Variants in SERBP1 observed in about 807,000 individuals in gnomAD.
The protein encoded by SERBP1 is SERPINE1 mRNA binding protein 1, also known as SERPINE1 mRNA-binding protein 1.
In SERBP1, 6 loss-of-function variants were observed where a neutral mutation model predicts 50.2. The observed-to-expected ratio is 0.12, with a 90% confidence interval of 0.07 to 0.24. The LOEUF (loss-of-function observed/expected upper bound fraction) is 0.24, where lower values mean the gene tolerates loss of function less well. Among genes scored for constraint, SERBP1 ranks in the 10% least tolerant of loss-of-function variants. The probability of loss-of-function intolerance (pLI) is 1.00; values close to 1 mark genes in which losing one functional copy is unlikely to be tolerated. For missense variants in SERBP1, 346 were observed against 524.9 expected (o/e 0.66, Z 3.33); for synonymous variants, 168 against 182.8 (o/e 0.92, Z 0.65).
At chr1:67,416,761 T>C (rs561642827) in intron 6 of SERBP1, among the ~76,000 whole-genome samples, 316 of 152,284 alleles carry the variant, frequency 2.1e-3, no homozygotes, top group Non-Finnish European at 3.5e-3. Context: ...ACCAACACAC[T>C]GTAAGGCAAT....
chr1:67,425,330 ATAGT>A, intron 2 of SERBP1, 107 bp from the exon 3 acceptor site: 1 of 1,034,092 alleles, frequency 9.7e-7, no homozygotes. Flanking sequence ...TCAAAAACCA[ATAGT>A]TAAATACATA....
At chr1:67,424,998 T>A in intron 3 of SERBP1, 21 bp from the exon 4 acceptor site, 1 of 1,608,968 alleles carries the variant, frequency 6.2e-7, no homozygotes, top group Non-Finnish European at 8.5e-7. Context: ...TGAGTTAACA[T>A]AATACTCTTT....
intron 6 of SERBP1, among the ~76,000 whole-genome samples, chr1:67,417,826 TCAGA>T (rs762062422): frequency 6.6e-5 from 10 of 151,828 alleles, no homozygotes; most frequent in South Asian, 2.1e-4. Context: ...TCTAGAGCAC[TCAGA>T]CAATGAGGAG....
In SERBP1 at chr1:67,425,230, T is replaced by A; in HGVS notation, c.465-7A>T. The A allele has an allele frequency of 6.3e-7, 1 of 1,581,426 alleles. No homozygotes were observed. Among genetic ancestry groups the A allele is most frequent in the South Asian group, 1.2e-5 (1 of 85,022 alleles). On this transcript the variant is annotated splice_region_variant and splice_polypyrimidine_tract_variant and intron_variant, in intron 2 of 7. Coordinates refer to ENST00000361219, the MANE Select transcript of SERBP1 (RefSeq NM_001018069.2). Reference sequence around the variant, plus strand: ...AGGTCGGTCAATAATCGGTCTATAATATAAACAAATAAATTATACTTCCAT... The same window carrying A: ...AGGTCGGTCAATAATCGGTCTATAAAATAAACAAATAAATTATACTTCCAT...
Position 67,426,265 on chromosome 1 carries a change from T to C in SERBP1, c.334A>G (p.Arg112Gly). Reference sequence around the variant, plus strand: ...TCACCCTGAAGTTGTTGATCAGGTCTTCTTCCAACTCGTCTTATTCCTAAA... The same window carrying C: ...TCACCCTGAAGTTGTTGATCAGGTCCTCTTCCAACTCGTCTTATTCCTAAA... ...KKEGIRRVGR[R>G]PDQQLQGEGK... Residue 112 changes from arginine to glycine, a missense_variant, in exon 2 of 8, where the codon AGA becomes GGA. Transcript: ENST00000361219. 6.3e-7 allele frequency: 1 copy of C among 1,594,950 alleles called. No individual in the cohort carries two copies. Among genetic ancestry groups the C allele is most frequent in the Non-Finnish European group, 8.5e-7 (1 of 1,172,500 alleles).
intron 2 of SERBP1, 89 bp downstream of exon 2, chr1:67,426,046 C>G: frequency 9.2e-7 from 1 of 1,081,748 alleles, no homozygotes; most frequent in Non-Finnish European, 1.3e-6. Context: ...GCCCAGGAAG[C>G]AGAGGCTGCA....
In SERBP1 at chr1:67,413,106, C is replaced by CTT. The variant is rs903537342; in HGVS notation, c.*99_*100dup. 1.7e-5 allele frequency: 18 copies of CTT among 1,086,320 alleles called. No individual in the cohort carries two copies. The highest frequency in any genetic ancestry group is 7.2e-5 in the East Asian group (2 of 27,946). The allele number at this position is 1,086,320 out of a possible 1,614,324, so 67.3% of individuals were successfully genotyped here. A position where few individuals can be genotyped will look rare whatever the true frequency, so the allele number is the denominator to read the frequency against. On this transcript the variant is annotated 3_prime_UTR_variant, in exon 8 of 8. Transcript: ENST00000361219. ...AGGTGTGAATGGTATGAATGACAGTCTTTTTTTTTTTAATTTCTTAGTCGT... is the reference window on the plus strand; with the variant it reads ...AGGTGTGAATGGTATGAATGACAGTCTTTTTTTTTTTTTAATTTCTTAGTCGT...
chr1:67,421,994 C>A (rs911431791), intron 5 of SERBP1, among the ~76,000 whole-genome samples: 2 of 152,140 alleles, frequency 1.3e-5, no homozygotes, highest in Admixed American at 1.3e-4. Context: ...GCATAGGGTT[C>A]ATTTGTTAAG....
At chr1:67,413,370 C>A in intron 7 of SERBP1, 107 bp from the exon 8 acceptor site, 2 of 1,030,024 alleles carry the variant, frequency 1.9e-6, no homozygotes, top group South Asian at 1.8e-5. Context: ...TACTGTTGGC[C>A]AGGCACAGTG....
In SERBP1 at chr1:67,426,425, T is replaced by C. The variant is rs1270442834; in HGVS notation, c.314-140A>G. On this transcript the variant is annotated intron_variant, in intron 1 of 7. Transcript: ENST00000361219. The stretch of plus-strand genomic sequence containing the variant: ...AAGCAAACACTGGGCAACTCTAATG[T>C]GTAACAAAGTACCTTAGGAAAACTG... 4.4e-6 allele frequency: 3 copies of C among 676,048 alleles called. No homozygotes were observed. The East Asian group carries it at 9.5e-5, about 21-fold the overall frequency. 41.9% of individuals were successfully genotyped at this position (676,048 alleles called of 1,614,324 possible). A position where few individuals can be genotyped will look rare whatever the true frequency, so the allele number is the denominator to read the frequency against.
Position 67,430,061 on chromosome 1 carries a change from G to A in SERBP1, c.240C>T (p.Asn80=), listed in dbSNP as rs1386748390. 5 of 1,613,754 alleles carry A rather than the reference G, an allele frequency of 3.1e-6. No homozygotes were observed. In the African/African-American group the frequency reaches 5.3e-5, roughly 17 times the overall value. ...CCACGCCAACGCTGGGGGGCAGCGG[G>A]TTCTTGCGGTCTTTCTGGGACTCCT... ...LRKESQKDRK[N]PLPPSVGVVD... is the part of the protein sequence containing the mutation. Residue 80 remains asparagine, a synonymous_variant, in exon 1 of 8, where the codon AAC becomes AAT. Coordinates refer to ENST00000361219, the MANE Select transcript of SERBP1 (RefSeq NM_001018069.2).
intron 6 of SERBP1, 38 bp from the exon 7 acceptor site, chr1:67,415,377 A>C: frequency 6.7e-7 from 1 of 1,489,218 alleles, no homozygotes; most frequent in Non-Finnish European, 9.0e-7. Flanking sequence ...TTATTAGTAG[A>C]AAAGTAACAT....
At chr1:67,426,383 C>T in intron 1 of SERBP1, 98 bp from the exon 2 acceptor site, 1 of 1,247,990 alleles carries the variant, frequency 8.0e-7, no homozygotes, top group Non-Finnish European at 1.1e-6. Context: ...AATCCACTAC[C>T]ATTTCCTGTT....
At chr1:67,420,266 G>A (rs1667158942) in intron 5 of SERBP1, 80 bp from the exon 6 acceptor site, 1 of 1,192,770 alleles carries the variant, frequency 8.4e-7, no homozygotes, top group Non-Finnish European at 1.2e-6. Context: ...GATTTTAATT[G>A]AGAAAATTAA....
At chr1:67,414,566 A>T (rs1570280290) in intron 7 of SERBP1, among the ~76,000 whole-genome samples, 1 of 152,220 alleles carries the variant, frequency 6.6e-6, no homozygotes, top group Admixed American at 6.5e-5. Context: ...ATTACTTGGG[A>T]ATTCACCAAA....
intron 1 of SERBP1, among the ~76,000 whole-genome samples, chr1:67,426,598 C>T (rs1203537751): frequency 6.6e-6 from 1 of 152,184 alleles, no homozygotes; most frequent in Non-Finnish European, 1.5e-5. Flanking sequence ...ACTTGGAAAT[C>T]ATTTGGGCAA....
chr1:67,412,999 T>G lies in SERBP1; in HGVS notation c.*208A>C. The G allele has an allele frequency of 1.6e-6, 1 of 607,704 alleles. No homozygotes were observed. The highest frequency in any genetic ancestry group is 2.6e-5 in the South Asian group (1 of 37,838). 37.6% of individuals were successfully genotyped at this position (607,704 alleles called of 1,614,324 possible). A position where few individuals can be genotyped will look rare whatever the true frequency, so the allele number is the denominator to read the frequency against. ...AACATCCCTGCTACCAATACATTTC[T>G]AAATACAAAACTGACTACCATATTT... On this transcript the variant is annotated 3_prime_UTR_variant, in exon 8 of 8. Transcript: ENST00000361219.
rs1443341657 is a variant in SERBP1, at chr1:67,412,107, C to A, written c.*1100G>T. ...CCTTACAAAGTAAAGCTGTCTGCTTCCCAAATTCCAAAAATTAAAATACTC... is the reference window on the plus strand; with the variant it reads ...CCTTACAAAGTAAAGCTGTCTGCTTACCAAATTCCAAAAATTAAAATACTC... On this transcript the variant is annotated 3_prime_UTR_variant, in exon 8 of 8. Coordinates refer to ENST00000361219, the MANE Select transcript of SERBP1 (RefSeq NM_001018069.2). 1 of 152,614 alleles carries A rather than the reference C, an allele frequency of 6.6e-6. No homozygotes were observed. Among genetic ancestry groups the A allele is most frequent in the African/African-American group, 2.4e-5 (1 of 41,430 alleles). 9.5% of individuals were successfully genotyped at this position (152,614 alleles called of 1,614,324 possible).
chr1:67,428,216 T>C (rs553335732), intron 1 of SERBP1, among the ~76,000 whole-genome samples: 148 of 152,352 alleles, frequency 9.7e-4, no homozygotes, highest in Non-Finnish European at 1.7e-3. Flanking sequence ...AGGAAAATGC[T>C]GATTGCTAAC....
Sources: allele counts gnomAD v4.1 joint callset (sites outside exome capture counted in the v4.1 genomes callset), GRCh38; gene constraint gnomAD v4.1.1; transcripts MANE v1.5; gene names NCBI Gene and HGNC (gene_info 2026-07-23, HGNC 2026-07-21).